CENPM: variants seen among roughly 807,000 people sequenced by gnomAD.
CENPM encodes the protein interphase centromere complex protein 39.
CENPM carries 14 observed loss-of-function variants against 19.6 expected under a neutral mutation model. That is an observed-to-expected ratio of 0.71 (90% confidence interval 0.47 to 1.11). The LOEUF (loss-of-function observed/expected upper bound fraction) is 1.11. CENPM is among the 50% of genes most tolerant of loss of function. The pLI is 0.00. For synonymous variants in CENPM, 114 were observed against 101.5 expected (o/e 1.12, Z -0.74); for missense variants, 239 against 228.4 (o/e 1.05, Z -0.30).
chr22:41,946,090 G>C (rs576418185), intron 2 of CENPM, 85 bp from the exon 3 acceptor site: 1 of 1,171,164 alleles, frequency 8.5e-7, no homozygotes. Context: ...TGTGGAAAGA[G>C]GCCGTCAAGG....
intron 4 of CENPM, chr22:41,945,001 G>C (rs1213802312): frequency 7.3e-7 from 1 of 1,363,372 alleles, no homozygotes. Context: ...CTTGTGTCAT[G>C]GGGTTTGTTG....
chr22:41,935,283 G>C (rs1295916929), downstream of CENPM, among the ~76,000 whole-genome samples: 6 of 152,158 alleles, frequency 3.9e-5, no homozygotes, highest in Non-Finnish European at 5.9e-5. Context: ...CGGGCATGGG[G>C]GGGAGGGGGT....
intron 5 of CENPM, chr22:41,940,342 C>T (rs1288361505): frequency 1.0e-5 from 6 of 576,832 alleles, no homozygotes; most frequent in Middle Eastern, 2.6e-4. Context: ...CTTTCCAGCA[C>T]GTCATTTACC....
At position 41,946,992 on chromosome 22, in the gene CENPM, C is replaced by G. The variant is rs189750869; in HGVS notation, c.57+28G>C. ...AGCACCGCCCAGGAGGAAAAACCGG[C>G]GGGGGAAGCAGGGCCGCCTGCACCT... On this transcript the variant is annotated intron_variant, in intron 1 of 5. Coordinates refer to ENST00000215980, the MANE Select transcript of CENPM (RefSeq NM_024053.5). The G allele has an allele frequency of 4.3e-6, 7 of 1,610,926 alleles. 1 individual carries two copies. In the South Asian group the frequency reaches 6.6e-5, roughly 15 times the overall value.
At chr22:41,944,574 C>G in intron 4 of CENPM, 1 of 781,664 alleles carries the variant, frequency 1.3e-6, no homozygotes. Flanking sequence ...ACACCTACCT[C>G]CAATAGGAAT....
At chr22:41,946,587 G>T in intron 1 of CENPM, 91 bp from the exon 2 acceptor site, 1 of 1,050,532 alleles carries the variant, frequency 9.5e-7, no homozygotes, top group Non-Finnish European at 1.4e-6. Flanking sequence ...GGGGGGATCG[G>T]GACACCGCCA....
chr22:41,941,672 C>G (rs2077739947), intron 5 of CENPM, among the ~76,000 whole-genome samples: 1 of 152,226 alleles, frequency 6.6e-6, no homozygotes, highest in African/African-American at 2.4e-5. Context: ...TGACCCTGAG[C>G]AAGTCGCCTG....
chr22:41,940,274 C>A lies in CENPM; in HGVS notation c.403-1078G>T, dbSNP rs149629762. 174 of 674,728 alleles carry A rather than the reference C, an allele frequency of 2.6e-4. 2 individuals carry two copies. In the Admixed American group the frequency reaches 2.9e-3, roughly 11 times the overall value. The allele number at this position is 674,728 out of a possible 1,614,324, so 41.8% of individuals were successfully genotyped here. A position where few individuals can be genotyped will look rare whatever the true frequency, so the allele number is the denominator to read the frequency against. On this transcript the variant is annotated intron_variant, in intron 5 of 5. Transcript: ENST00000215980. The stretch of plus-strand genomic sequence containing the variant: ...AGAAGTCCTGTTTGCAGGGGCGTTC[C>A]CTGGTTACCCTGCCTAACTCTTGCC...
chr22:41,930,680 G>C, the CENPM span, among the ~76,000 whole-genome samples: 1 of 151,360 alleles, frequency 6.6e-6, no homozygotes, highest in African/African-American at 2.4e-5. Context: ...CACCAGGCCC[G>C]GCTAATTTTT....
the CENPM span, among the ~76,000 whole-genome samples, chr22:41,927,930 G>A: frequency 2.6e-5 from 4 of 152,178 alleles, no homozygotes; most frequent in Non-Finnish European, 5.9e-5. Flanking sequence ...AAGGTGGGCC[G>A]GAAGGCTTCA....
intron 4 of CENPM, among the ~76,000 whole-genome samples, chr22:41,944,385 G>A (rs2077774431): frequency 6.8e-6 from 1 of 146,032 alleles, no homozygotes; most frequent in African/African-American, 2.6e-5. Context: ...GCGGTGAGCT[G>A]AGATCACGCC....
At chr22:41,930,101 G>C in the CENPM span, among the ~76,000 whole-genome samples, 1 of 151,146 alleles carries the variant, frequency 6.6e-6, no homozygotes, top group Non-Finnish European at 1.5e-5. Context: ...CCGCCACCAT[G>C]CCCGGCAAAT....
At position 41,939,171 on chromosome 22, in the gene CENPM, GCCATGGTGGC is replaced by G. The variant is rs762296545; in HGVS notation, c.418_427del (p.Ala140ArgfsTer21). On this transcript the variant is annotated frameshift_variant, in exon 6 of 6. Transcript: ENST00000215980. LOFTEE classifies it high-confidence loss of function. ...CTGCAGCACGCGCACCAGGCGCTGC[GCCATGGTGGC>G]CCTAAAGCCTTCCACCTGCGGGGAG... The G allele has an allele frequency of 1.3e-5, 21 of 1,611,972 alleles. No individual in the cohort carries two copies. The highest frequency in any genetic ancestry group is 5.1e-6 in the Non-Finnish European group (6 of 1,179,586).
chr22:41,936,920 C>T (rs748939015), downstream of CENPM, among the ~76,000 whole-genome samples: 2 of 152,114 alleles, frequency 1.3e-5, no homozygotes, highest in Admixed American at 1.3e-4. Context: ...GAGCAAGACT[C>T]CACACCCCAC....
In CENPM at chr22:41,938,825, G is replaced by C; in HGVS notation, c.*231C>G. On this transcript the variant is annotated 3_prime_UTR_variant, in exon 6 of 6. Coordinates refer to ENST00000215980, the MANE Select transcript of CENPM (RefSeq NM_024053.5). Reference sequence around the variant, plus strand: ...ACACGCCAGCTGCTTAAAGACACAGGCTCTGCAAGAGTGAGTGTGGGAGTG... The same window carrying C: ...ACACGCCAGCTGCTTAAAGACACAGCCTCTGCAAGAGTGAGTGTGGGAGTG... 2.1e-6 allele frequency: 1 copy of C among 485,208 alleles called. No homozygotes were observed. Among genetic ancestry groups the C allele is most frequent in the East Asian group, 3.2e-5 (1 of 31,276 alleles). 30.1% of individuals were successfully genotyped at this position (485,208 alleles called of 1,614,324 possible).
chr22:41,940,511 G>A (rs2077730025), intron 5 of CENPM, among the ~76,000 whole-genome samples: 1 of 152,088 alleles, frequency 6.6e-6, no homozygotes, highest in Non-Finnish European at 1.5e-5. Context: ...TCAGCCCCCT[G>A]AGTAGCTGGG....
At chr22:41,946,519 C>T in intron 1 of CENPM, 23 bp from the exon 2 acceptor site, 1 of 1,607,628 alleles carries the variant, frequency 6.2e-7, no homozygotes, top group Non-Finnish European at 8.5e-7. Flanking sequence ...AGAGAGCGGA[C>T]AGTCGAGCCC....
chr22:41,938,141 ATTTTTTTTT>A (rs11440934), downstream of CENPM, among the ~76,000 whole-genome samples: 1 of 120,064 alleles, frequency 8.3e-6, no homozygotes, highest in Non-Finnish European at 1.7e-5. Context: ...CGCGCCCAGC[ATTTTTTTTT>A]TTTTTTTTTG....
downstream of CENPM, among the ~76,000 whole-genome samples, chr22:41,937,675 G>A (rs1295627308): frequency 6.6e-6 from 1 of 152,178 alleles, no homozygotes; most frequent in African/African-American, 2.4e-5. Context: ...TCCCAGGCAT[G>A]TCCATCGTCT....
Sources: gnomAD v4.1 joint callset for allele counts (sites outside exome capture counted in the v4.1 genomes callset) on GRCh38, gnomAD v4.1.1 for gene constraint, MANE v1.5 for transcripts, NCBI Gene and HGNC (gene_info 2026-07-23, HGNC 2026-07-21) for gene names.